The following STIL variants were observed in gnomAD, a reference collection of about 807,000 sequenced individuals.
STIL encodes the protein SCL-interrupting locus protein.
A neutral mutation model predicts 110.1 loss-of-function variants in STIL; 55 were observed. The observed-to-expected ratio is 0.50, with a 90% CI of 0.40 to 0.63. The LOEUF (loss-of-function observed/expected upper bound fraction) is 0.63, where lower values mean the gene tolerates loss of function less well. Ranked by LOEUF, STIL falls within the 20% of genes least tolerant of loss-of-function variation. STIL has a pLI of 0.00. For missense variants in STIL, 1,358 were observed against 1,530.0 expected (o/e 0.89, Z 1.87); for synonymous variants, 481 against 530.0 (o/e 0.91, Z 1.27).
intron 1 of STIL, among the ~76,000 whole-genome samples, chr1:47,312,440 G>C (rs932439217): frequency 6.6e-6 from 1 of 151,392 alleles, no homozygotes; most frequent in African/African-American, 2.4e-5. Flanking sequence ...GCAACAGAGC[G>C]AGACTCCGTC....
chr1:47,283,433 G>A (rs1645205057), intron 10 of STIL: 1 of 152,260 alleles, frequency 6.6e-6, no homozygotes. Flanking sequence ...ACCCAAGGCA[G>A]CTTGAGATAC....
Position 47,310,329 on chromosome 1 carries a change from T to A in STIL, c.-10A>T, listed in dbSNP as rs1364116422. On this transcript the variant is annotated 5_prime_UTR_variant, in exon 2 of 17. Transcript: ENST00000371877. ...GATATATAGGCTCCATGATGTCTGG[T>A]GAATGATTTCTTTAATTCCAAATCC... The A allele has an allele frequency of 6.2e-7, 1 of 1,612,408 alleles. No homozygotes were observed. The highest frequency in any genetic ancestry group is 1.1e-5 in the South Asian group (1 of 91,034).
At chr1:47,288,913 AT>A (rs1557751336) in intron 9 of STIL, among the ~76,000 whole-genome samples, 3 of 141,588 alleles carry the variant, frequency 2.1e-5, no homozygotes, top group South Asian at 2.2e-4. Flanking sequence ...AAAAAAAAAA[AT>A]AGCCAGGTGT....
At chr1:47,265,173 T>A (rs1389017525) in intron 14 of STIL, among the ~76,000 whole-genome samples, 6 of 127,072 alleles carry the variant, frequency 4.7e-5, no homozygotes, top group African/African-American at 1.8e-4. Context: ...GAGGTGGAGG[T>A]TGCAGTGAAC....
chr1:47,273,782 G>A (rs888665744), intron 12 of STIL, among the ~76,000 whole-genome samples: 1 of 152,118 alleles, frequency 6.6e-6, no homozygotes, highest in African/African-American at 2.4e-5. Context: ...GTACTACTGT[G>A]CTCAATATAA....
At chr1:47,256,520 C>T (rs769716537) in intron 16 of STIL, among the ~76,000 whole-genome samples, 39 of 149,674 alleles carry the variant, frequency 2.6e-4, no homozygotes, top group African/African-American at 8.9e-4. Flanking sequence ...ACTCAGGAGG[C>T]GGAGGCAGAA....
Position 47,309,975 on chromosome 1 carries a change from G to T in STIL, c.44+301C>A, listed in dbSNP as rs17103095. 0.27 allele frequency among the ~76,000 whole-genome samples: 41,200 copies of T among 152,048 alleles called. 5,865 individuals are homozygous for T. Among genetic ancestry groups the T allele is most frequent in the Non-Finnish European group, 0.32 (21,560 of 67,972 alleles). ...CTATATTACGAAAATAATTGAAGGA[G>T]GGACGGAACTAGTATTTACTGAGTG... On this transcript the variant is annotated intron_variant, in intron 2 of 16. Transcript: ENST00000371877.
intron 12 of STIL, among the ~76,000 whole-genome samples, chr1:47,277,621 A>T (rs549641560): frequency 1.7e-4 from 26 of 152,200 alleles, no homozygotes; most frequent in African/African-American, 6.3e-4. Flanking sequence ...AGTTCAGTAT[A>T]TATCTACAAA....
In STIL at chr1:47,304,890, T is replaced by C. The variant is rs1645907130; in HGVS notation, c.151A>G (p.Arg51Gly). Residue 51 changes from arginine (R) to glycine (G), a missense_variant and splice_region_variant, in exon 3 of 17, where the codon AGA (arginine) becomes GGA (glycine). Coordinates refer to ENST00000371877, the MANE Select transcript of STIL (RefSeq NM_001048166.1). ...DFIYLHLSYY[R>G]NPKLVVTEKT... ...TTGAAAAAAAGAAACATGTTATACC[T>C]GTAGTAACTGAGATGTAAGTAGATG... 6.2e-7 allele frequency: 1 copy of C among 1,601,824 alleles called. No homozygotes were observed. Among genetic ancestry groups the C allele is most frequent in the Non-Finnish European group, 8.6e-7 (1 of 1,168,826 alleles).
In STIL at chr1:47,250,374, A is replaced by C. The variant is rs1234174027; in HGVS notation, c.*762T>G. On this transcript the variant is annotated 3_prime_UTR_variant, in exon 17 of 17. Transcript: ENST00000371877. ...GGGGAAATACACTCTTGTATAAAAG[A>C]GTGTAAGTTTTTATTAAGTTGTTTT... The C allele has an allele frequency of 5.8e-6, 1 of 171,104 alleles. No homozygotes were observed. The highest frequency in any genetic ancestry group is 1.3e-5 in the Non-Finnish European group (1 of 79,006). The allele number at this position is 171,104 out of a possible 1,614,324, so 10.6% of individuals were successfully genotyped here.
chr1:47,253,784 C>G (rs1263587942), intron 16 of STIL, among the ~76,000 whole-genome samples: 1 of 152,150 alleles, frequency 6.6e-6, no homozygotes, highest in Non-Finnish European at 1.5e-5. Flanking sequence ...GTGCTAGCCA[C>G]TGCTTGCATT....
chr1:47,259,693 T>C (rs1644430201), intron 16 of STIL, among the ~76,000 whole-genome samples: 1 of 152,314 alleles, frequency 6.6e-6, no homozygotes, highest in Admixed American at 6.5e-5. Flanking sequence ...CCATGAATTT[T>C]TATTACTTTT....
chr1:47,251,086 T>A lies in STIL; in HGVS notation c.*50A>T. ...GGTAGGCTCCTGTTTTCCCTAAGTA[T>A]CTTCAGGAGACACCCTGTCCCTGTA... On this transcript the variant is annotated 3_prime_UTR_variant, in exon 17 of 17. Transcript: ENST00000371877. The A allele has an allele frequency of 1.3e-6, 2 of 1,555,588 alleles. No homozygotes were observed. Among genetic ancestry groups the A allele is most frequent in the Middle Eastern group, 2.3e-4 (1 of 4,390 alleles).
At chr1:47,292,952 C>A (rs1645537675) in intron 8 of STIL, among the ~76,000 whole-genome samples, 1 of 152,136 alleles carries the variant, frequency 6.6e-6, no homozygotes, top group African/African-American at 2.4e-5. Context: ...ATGTCACCTT[C>A]TTTATCTATT....
chr1:47,286,690 T>C (rs1215225101), intron 10 of STIL, among the ~76,000 whole-genome samples: 5 of 151,618 alleles, frequency 3.3e-5, no homozygotes, highest in Non-Finnish European at 7.4e-5. Context: ...CGAGGCTCTG[T>C]CTCAAAGAAA....
At chr1:47,297,343 C>A (rs543933031) in intron 6 of STIL, among the ~76,000 whole-genome samples, 17 of 143,472 alleles carry the variant, frequency 1.2e-4, no homozygotes, top group African/African-American at 1.3e-4. Flanking sequence ...GACTCCATCT[C>A]AAAAAAAAAA....
intron 12 of STIL, among the ~76,000 whole-genome samples, chr1:47,272,962 T>C (rs1303783457): frequency 6.6e-6 from 1 of 152,208 alleles, no homozygotes; most frequent in African/African-American, 2.4e-5. Context: ...TTGGATATAT[T>C]AATAACAATG....
intron 8 of STIL, among the ~76,000 whole-genome samples, chr1:47,291,261 T>G (rs1645480222): frequency 6.6e-6 from 1 of 152,152 alleles, no homozygotes; most frequent in Middle Eastern, 3.4e-3. Flanking sequence ...CTCAGGAGGC[T>G]GAGGCAGGAG....
At chr1:47,264,858 CAG>C (rs1644589317) in intron 14 of STIL, among the ~76,000 whole-genome samples, 2 of 145,764 alleles carry the variant, frequency 1.4e-5, no homozygotes, top group Middle Eastern at 3.7e-3. Flanking sequence ...TTGGGATCGA[CAG>C]AGTTAATTAA....
Sources: gnomAD v4.1 joint callset for allele counts (sites outside exome capture counted in the v4.1 genomes callset) on GRCh38, gnomAD v4.1.1 for gene constraint, MANE v1.5 for transcripts, NCBI Gene and HGNC (gene_info 2026-07-23, HGNC 2026-07-21) for gene names.